The following USH2A variants were observed in gnomAD, a reference collection of about 807,000 sequenced individuals.
USH2A encodes the protein usherin, also known as Usher syndrome 2A (autosomal recessive, mild).
Under a neutral mutation model 538.9 loss-of-function variants are expected in USH2A, and 443 were observed. The ratio of observed to expected loss-of-function variants is 0.82; its 90% CI spans 0.76 to 0.89. The LOEUF is 0.89. USH2A is among the 40% of genes least tolerant of loss of function. The probability of loss-of-function intolerance (pLI) is 0.00; values close to 1 mark genes in which losing one functional copy is unlikely to be tolerated. For synonymous variants in USH2A, 2,413 were observed against 2,273.5 expected, an observed-to-expected ratio of 1.06 and a Z score of -1.75; for missense variants, 6,633 against 6,324.8, an observed-to-expected ratio of 1.05 and a Z score of -1.65.
intron 47 of USH2A, among the ~76,000 whole-genome samples, chr1:215,836,842 C>G (rs1259261755): frequency 6.6e-6 from 1 of 151,422 alleles, no homozygotes; most frequent in Non-Finnish European, 1.5e-5. Flanking sequence ...AGGCGTGAGC[C>G]ACCACGCCCC....
chr1:215,646,096 T>C (rs1656843695), intron 67 of USH2A, among the ~76,000 whole-genome samples: 1 of 152,150 alleles, frequency 6.6e-6, no homozygotes, highest in Non-Finnish European at 1.5e-5. Flanking sequence ...TAGTAAAAAT[T>C]ACCCATAGAA....
intron 12 of USH2A, among the ~76,000 whole-genome samples, chr1:216,247,563 A>C (rs895590858): frequency 6.6e-6 from 1 of 152,210 alleles, no homozygotes; most frequent in African/African-American, 2.4e-5. Context: ...TGCTCATTTA[A>C]AATTATAGTA....
intron 27 of USH2A, among the ~76,000 whole-genome samples, chr1:216,074,297 G>A (rs140862622): frequency 3.7e-5 from 5 of 136,506 alleles, no homozygotes; most frequent in African/African-American, 1.0e-4. Flanking sequence ...AAACAGGACC[G>A]AGTTTGAGAT....
At chr1:215,972,332 C>T (rs1227609619) in intron 35 of USH2A, among the ~76,000 whole-genome samples, 1 of 152,196 alleles carries the variant, frequency 6.6e-6, no homozygotes, top group Non-Finnish European at 1.5e-5. Flanking sequence ...TCTGCATTTT[C>T]TGCCTCTTCG....
chr1:216,420,272 G>A (rs2039653925), intron 2 of USH2A, among the ~76,000 whole-genome samples: 1 of 152,020 alleles, frequency 6.6e-6, no homozygotes, highest in Middle Eastern at 3.2e-3. Context: ...TACTGAAAAT[G>A]CATTTCTTAA....
intron 37 of USH2A, among the ~76,000 whole-genome samples, chr1:215,939,403 A>G (rs1420805468): frequency 6.6e-6 from 1 of 152,192 alleles, no homozygotes; most frequent in African/African-American, 2.4e-5. Flanking sequence ...TGTTACATGA[A>G]AAAATAGACC....
chr1:216,217,181 A>G (rs1009652716), intron 15 of USH2A, among the ~76,000 whole-genome samples: 1 of 152,144 alleles, frequency 6.6e-6, no homozygotes, highest in Non-Finnish European at 1.5e-5. Flanking sequence ...TCCCACCATG[A>G]ACATAATTAT....
chr1:215,866,024 T>C (rs1664459052), intron 44 of USH2A, among the ~76,000 whole-genome samples: 1 of 152,232 alleles, frequency 6.6e-6, no homozygotes. Context: ...TTCATCTTTT[T>C]ATATCATCAA....
chr1:215,772,061 G>T (rs996213939), intron 55 of USH2A, among the ~76,000 whole-genome samples: 1 of 152,044 alleles, frequency 6.6e-6, no homozygotes, highest in South Asian at 2.1e-4. Context: ...TCATATATAC[G>T]ACTCTGTAAA....
At chr1:215,771,579 CAAAAAAAAAAAAAAAAAAAAAAAAAAAAA>C (rs759067576) in intron 55 of USH2A, among the ~76,000 whole-genome samples, 29 of 44,000 alleles carry the variant, frequency 6.6e-4, no homozygotes, top group East Asian at 1.1e-3. Flanking sequence ...GACTCCGTCT[CAAAAAAAAAAAAAAAAAAAAAAAAAAAAA>C]AAAAAAAAAA....
At chr1:216,175,549 A>T in intron 20 of USH2A, 67 bp from the exon 21 acceptor site, 1 of 1,360,242 alleles carries the variant, frequency 7.4e-7, no homozygotes, top group Non-Finnish European at 1.1e-6. Flanking sequence ...ACATATTCAC[A>T]TATACGTATA....
intron 44 of USH2A, among the ~76,000 whole-genome samples, chr1:215,865,564 A>G (rs2102439220): frequency 6.6e-6 from 1 of 152,328 alleles, no homozygotes; most frequent in African/African-American, 2.4e-5. Context: ...TGGAGTAGAG[A>G]GCAAGAGGGA....
At chr1:216,158,880 T>C (rs1331293449) in intron 21 of USH2A, among the ~76,000 whole-genome samples, 2 of 152,238 alleles carry the variant, frequency 1.3e-5, no homozygotes, top group African/African-American at 2.4e-5. Flanking sequence ...CTTTAATTTC[T>C]CACAGTAATT....
At chr1:216,304,955 G>T (rs556258692) in intron 9 of USH2A, among the ~76,000 whole-genome samples, 4 of 151,950 alleles carry the variant, frequency 2.6e-5, no homozygotes, top group Admixed American at 2.0e-4. Flanking sequence ...TATCTTGGAG[G>T]ATGTTTCACC....
At chr1:216,061,148 C>G (rs1307427373) in intron 30 of USH2A, among the ~76,000 whole-genome samples, 3 of 152,190 alleles carry the variant, frequency 2.0e-5, no homozygotes, top group Non-Finnish European at 4.4e-5. Flanking sequence ...AACCCTTGGA[C>G]TCTCCATTGC....
At chr1:215,788,656 G>T (rs182143802) in intron 51 of USH2A, among the ~76,000 whole-genome samples, 20 of 152,210 alleles carry the variant, frequency 1.3e-4, no homozygotes, top group Non-Finnish European at 2.1e-4. Context: ...ACATCTTCAA[G>T]AGCTTTCATA....
intron 9 of USH2A, among the ~76,000 whole-genome samples, chr1:216,311,255 A>G (rs1319684367): frequency 3.9e-5 from 6 of 152,172 alleles, no homozygotes; most frequent in African/African-American, 1.4e-4. Context: ...TGACGCTTCC[A>G]GTGGGTTGAG....
At position 216,357,235 on chromosome 1, in the gene USH2A, C is replaced by T. The variant is rs1029061081; in HGVS notation, c.784+7718G>A. Among the ~76,000 whole-genome samples the T allele has an allele frequency of 7.6e-4, 115 of 151,952 alleles. 2 individuals carry two copies. The highest frequency in any genetic ancestry group is 3.1e-3 in the South Asian group (15 of 4,822). Reference sequence around the variant, plus strand: ...CTTGTCTGATAATATTGCTAGATACCTTGTCTGCAATGTTCTGAAACTAAG... The same window carrying T: ...CTTGTCTGATAATATTGCTAGATACTTTGTCTGCAATGTTCTGAAACTAAG... On this transcript the variant is annotated intron_variant, in intron 4 of 71. Transcript: ENST00000307340.
At chr1:215,724,353 T>C (rs1428060828) in intron 61 of USH2A, among the ~76,000 whole-genome samples, 2 of 150,054 alleles carry the variant, frequency 1.3e-5, no homozygotes, top group Non-Finnish European at 2.9e-5. Flanking sequence ...ATGAAGTAAC[T>C]CAGACACAGA....
Sources: allele counts gnomAD v4.1 joint callset (sites outside exome capture counted in the v4.1 genomes callset), GRCh38; gene constraint gnomAD v4.1.1; transcripts MANE v1.5; gene names NCBI Gene and HGNC (gene_info 2026-07-23, HGNC 2026-07-21).